The following SLIT2 variants were observed in gnomAD, a reference collection of about 807,000 sequenced individuals.
The protein encoded by SLIT2 is slit homolog 2 protein.
A neutral mutation model predicts 185.7 loss-of-function variants in SLIT2; 41 were observed. The observed-to-expected ratio is 0.22, with a 90% CI of 0.17 to 0.29. The LOEUF (loss-of-function observed/expected upper bound fraction) is 0.29, where lower values mean the gene tolerates loss of function less well. SLIT2 is among the 10% of genes least tolerant of loss of function. The pLI is 1.00. For synonymous variants in SLIT2, 693 were observed against 680.2 expected (o/e 1.02, Z -0.29); for missense variants, 1,571 against 1,909.0 (o/e 0.82, Z 3.30).
chr4:20,595,947 G>T, intron 31 of SLIT2, 113 bp downstream of exon 31: 1 of 911,040 alleles, frequency 1.1e-6, no homozygotes. Context: ...GAGTATAACT[G>T]GATTGTTTGT....
chr4:20,441,026 C>A (rs1209437626), intron 4 of SLIT2, among the ~76,000 whole-genome samples: 1 of 148,362 alleles, frequency 6.7e-6, no homozygotes, highest in Non-Finnish European at 1.5e-5. Flanking sequence ...TATTCAGAGC[C>A]ACAACGGGAT....
At chr4:20,452,969 G>C (rs1712643746) in intron 4 of SLIT2, among the ~76,000 whole-genome samples, 1 of 152,106 alleles carries the variant, frequency 6.6e-6, no homozygotes, top group African/African-American at 2.4e-5. Context: ...TTTTATATCT[G>C]TGCCCAACTC....
intron 4 of SLIT2, among the ~76,000 whole-genome samples, chr4:20,392,610 T>G (rs1271666786): frequency 5.3e-5 from 8 of 152,166 alleles, no homozygotes; most frequent in Admixed American, 5.2e-4. Flanking sequence ...TAACACAGCT[T>G]AAAACACAAG....
At chr4:20,601,964 T>C (rs781078310) in intron 33 of SLIT2, among the ~76,000 whole-genome samples, 3 of 152,234 alleles carry the variant, frequency 2.0e-5, no homozygotes, top group Non-Finnish European at 4.4e-5. Flanking sequence ...AGGTGCATCA[T>C]TTCAATTGCC....
At chr4:20,526,528 G>C (rs146149620) in intron 15 of SLIT2, among the ~76,000 whole-genome samples, 120 of 152,004 alleles carry the variant, frequency 7.9e-4, no homozygotes, top group African/African-American at 2.7e-3. Flanking sequence ...TAATGTAATT[G>C]GTATCAAATT....
chr4:20,544,932 C>G (rs928169908), intron 21 of SLIT2, among the ~76,000 whole-genome samples: 5 of 151,660 alleles, frequency 3.3e-5, no homozygotes, highest in African/African-American at 1.2e-4. Flanking sequence ...GGAGAGGGGT[C>G]GAAGAAGAAA....
chr4:20,420,087 T>C (rs1560408179), intron 4 of SLIT2, among the ~76,000 whole-genome samples: 1 of 152,162 alleles, frequency 6.6e-6, no homozygotes, highest in Non-Finnish European at 1.5e-5. Context: ...AATATCCAAA[T>C]CATTCCCTAC....
chr4:20,487,081 G>A (rs985493707), intron 7 of SLIT2, among the ~76,000 whole-genome samples: 28 of 151,812 alleles, frequency 1.8e-4, no homozygotes, highest in Non-Finnish European at 4.0e-4. Context: ...GCTTGTAACT[G>A]GAAAATATTA....
chr4:20,417,562 A>T (rs1727800533), intron 4 of SLIT2, among the ~76,000 whole-genome samples: 1 of 150,592 alleles, frequency 6.6e-6, no homozygotes, highest in Admixed American at 6.6e-5. Context: ...TTGCTCTGTC[A>T]CCAGGCTGGA....
intron 4 of SLIT2, among the ~76,000 whole-genome samples, chr4:20,284,085 CA>C (rs1380890645): frequency 2.0e-5 from 3 of 152,128 alleles, no homozygotes; most frequent in Non-Finnish European, 4.4e-5. Flanking sequence ...AACAACCTGC[CA>C]GAATTGGAAT....
intron 4 of SLIT2, among the ~76,000 whole-genome samples, chr4:20,287,949 A>G (rs1030811077): frequency 2.0e-5 from 3 of 152,152 alleles, no homozygotes; most frequent in East Asian, 3.9e-4. Context: ...CTTTTCCTCC[A>G]AGTCAAATTT....
chr4:20,414,530 G>A (rs1001031153), intron 4 of SLIT2, among the ~76,000 whole-genome samples: 2 of 151,970 alleles, frequency 1.3e-5, no homozygotes, highest in African/African-American at 4.8e-5. Flanking sequence ...TTCTCTTACA[G>A]CACATCTACT....
intron 4 of SLIT2, among the ~76,000 whole-genome samples, chr4:20,446,566 A>G (rs920962358): frequency 6.6e-5 from 10 of 152,240 alleles, no homozygotes; most frequent in Admixed American, 1.3e-4. Context: ...CTTACTATCA[A>G]AATGAGTCAG....
At chr4:20,395,985 G>T (rs902555514) in intron 4 of SLIT2, among the ~76,000 whole-genome samples, 16 of 151,700 alleles carry the variant, frequency 1.1e-4, no homozygotes, top group African/African-American at 3.6e-4. Context: ...TTAAAAGGTA[G>T]ATCACAAGAA....
At chr4:20,564,330 T>G (rs146390942) in intron 26 of SLIT2, among the ~76,000 whole-genome samples, 5 of 151,818 alleles carry the variant, frequency 3.3e-5, no homozygotes, top group Admixed American at 3.3e-4. Flanking sequence ...TTCAAGAGAT[T>G]AGACTATAGA....
At chr4:20,520,520 G>A (rs1333567403) in intron 12 of SLIT2, among the ~76,000 whole-genome samples, 6 of 152,028 alleles carry the variant, frequency 3.9e-5, no homozygotes, top group Non-Finnish European at 8.8e-5. Context: ...TCCCTCTGGA[G>A]TGTATTTATT....
At chr4:20,304,172 A>G (rs1717318655) in intron 4 of SLIT2, among the ~76,000 whole-genome samples, 1 of 152,164 alleles carries the variant, frequency 6.6e-6, no homozygotes, top group South Asian at 2.1e-4. Flanking sequence ...ACCAGTGTAT[A>G]TTATTGTAAA....
chr4:20,457,868 G>A (rs1166342181), intron 4 of SLIT2, among the ~76,000 whole-genome samples: 1 of 152,180 alleles, frequency 6.6e-6, no homozygotes, highest in Admixed American at 6.5e-5. Context: ...GCACTTCATA[G>A]CTTCACAAGG....
intron 4 of SLIT2, among the ~76,000 whole-genome samples, chr4:20,338,312 C>G (rs575946856): frequency 1.3e-5 from 2 of 152,092 alleles, no homozygotes; most frequent in South Asian, 2.1e-4. Flanking sequence ...TCCATAGGTA[C>G]GTTAGTGGTC....
Sources: gnomAD v4.1 joint callset for allele counts (sites outside exome capture counted in the v4.1 genomes callset) on GRCh38, gnomAD v4.1.1 for gene constraint, MANE v1.5 for transcripts, NCBI Gene and HGNC (gene_info 2026-07-23, HGNC 2026-07-21) for gene names.